The following AUTS2 variants were observed in gnomAD, a reference collection of about 807,000 sequenced individuals.
AUTS2 encodes the protein activator of transcription and developmental regulator AUTS2.
A neutral mutation model predicts 112.4 loss-of-function variants in AUTS2; 17 were observed. The ratio of observed to expected loss-of-function variants is 0.15; its 90% CI spans 0.10 to 0.23. The LOEUF (loss-of-function observed/expected upper bound fraction) is 0.23. Ranked by LOEUF, AUTS2 falls within the 10% of genes least tolerant of loss-of-function variation. AUTS2 has a pLI of 1.00. For synonymous variants in AUTS2, 751 were observed against 702.7 expected, an observed-to-expected ratio of 1.07 and a Z score of -1.09; for missense variants, 1,510 against 1,701.6, an observed-to-expected ratio of 0.89 and a Z score of 1.98.
chr7:70,772,377 A>G (rs1790409890), intron 11 of AUTS2, among the ~76,000 whole-genome samples: 1 of 152,244 alleles, frequency 6.6e-6, no homozygotes, highest in African/African-American at 2.4e-5. Flanking sequence ...CTAAAGGTCA[A>G]TATTGAAGAG....
At chr7:70,435,856 C>A in intron 5 of AUTS2, 75 bp downstream of exon 5, 1 of 1,499,722 alleles carries the variant, frequency 6.7e-7, no homozygotes, top group Non-Finnish European at 9.3e-7. Flanking sequence ...CACACAGCTG[C>A]AGGGTAGGAT....
At chr7:69,746,626 G>A (rs574561254) in intron 1 of AUTS2, among the ~76,000 whole-genome samples, 6 of 152,136 alleles carry the variant, frequency 3.9e-5, no homozygotes, top group South Asian at 2.1e-4. Flanking sequence ...TGCTCTTGCC[G>A]TGTTTGAGGA....
In AUTS2 at chr7:70,791,447, G is replaced by GCTTTA. The variant is rs1791955906; in HGVS notation, c.*456_*460dup. 6.4e-6 allele frequency: 1 copy of GCTTTA among 156,330 alleles called. No individual in the cohort carries two copies. Among genetic ancestry groups the GCTTTA allele is most frequent in the African/African-American group, 2.4e-5 (1 of 41,578 alleles). The allele number at this position is 156,330 out of a possible 1,614,324, so 9.7% of individuals were successfully genotyped here. ...ATATATGCAAAAGGGTAAGATGAAAGCTTTACTTTGTACAAATGTAAATAG... is the reference window on the plus strand; with the variant it reads ...ATATATGCAAAAGGGTAAGATGAAAGCTTTACTTTACTTTGTACAAATGTAAATAG... On this transcript the variant is annotated 3_prime_UTR_variant, in exon 19 of 19. Coordinates refer to ENST00000342771, the MANE Select transcript of AUTS2 (RefSeq NM_015570.4).
At chr7:70,259,168 C>T (rs559675695) in intron 4 of AUTS2, among the ~76,000 whole-genome samples, 108 of 152,218 alleles carry the variant, frequency 7.1e-4, no homozygotes, top group Admixed American at 1.6e-3. Flanking sequence ...GTCCACGATG[C>T]GAGCATGGTA....
intron 1 of AUTS2, among the ~76,000 whole-genome samples, chr7:69,797,585 C>G (rs992191511): frequency 2.6e-5 from 4 of 152,130 alleles, no homozygotes; most frequent in Non-Finnish European, 4.4e-5. Context: ...AAAGGAAGAG[C>G]CTGCGCTTGG....
chr7:70,025,104 A>G (rs1800454885), intron 2 of AUTS2, among the ~76,000 whole-genome samples: 1 of 152,216 alleles, frequency 6.6e-6, no homozygotes, highest in African/African-American at 2.4e-5. Context: ...ATTTCAGGTA[A>G]CAGGATAATG....
intron 5 of AUTS2, among the ~76,000 whole-genome samples, chr7:70,538,893 C>T (rs771769318): frequency 6.6e-6 from 1 of 152,106 alleles, no homozygotes; most frequent in Non-Finnish European, 1.5e-5. Context: ...CTATTGTGTG[C>T]CAGGTATAGT....
At chr7:70,717,939 C>T (rs545326792) in intron 6 of AUTS2, among the ~76,000 whole-genome samples, 65 of 152,342 alleles carry the variant, frequency 4.3e-4, no homozygotes, top group African/African-American at 1.5e-3. Flanking sequence ...AACATCCAGC[C>T]ATGTCATTTC....
chr7:69,809,876 C>T (rs770982878), intron 1 of AUTS2, among the ~76,000 whole-genome samples: 7 of 152,186 alleles, frequency 4.6e-5, no homozygotes, highest in African/African-American at 7.2e-5. Context: ...TAGAATAACA[C>T]GAAACCTCCT....
chr7:69,785,694 G>C (rs1346484158), intron 1 of AUTS2, among the ~76,000 whole-genome samples: 2 of 152,164 alleles, frequency 1.3e-5, no homozygotes, highest in Non-Finnish European at 2.9e-5. Flanking sequence ...TATATTTGCT[G>C]TCAGTTTCTA....
At chr7:69,821,603 A>G in intron 1 of AUTS2, among the ~76,000 whole-genome samples, 1 of 152,164 alleles carries the variant, frequency 6.6e-6, no homozygotes, top group Non-Finnish European at 1.5e-5. Context: ...ACCACCTTTA[A>G]GAGCTGCAAC....
chr7:70,767,900 T>C, intron 9 of AUTS2, 124 bp from the exon 10 acceptor site: 2 of 852,686 alleles, frequency 2.3e-6, no homozygotes, highest in Non-Finnish European at 3.8e-6. Context: ...TGGTTTCATA[T>C]GTAATGAGGT....
chr7:69,753,270 T>G (rs1478451545), intron 1 of AUTS2, among the ~76,000 whole-genome samples: 1 of 152,158 alleles, frequency 6.6e-6, no homozygotes, highest in African/African-American at 2.4e-5. Context: ...CTGTCATACA[T>G]TTGTCTGGTG....
At chr7:69,792,832 G>T (rs1176263772) in intron 1 of AUTS2, among the ~76,000 whole-genome samples, 1 of 152,082 alleles carries the variant, frequency 6.6e-6, no homozygotes, top group Non-Finnish European at 1.5e-5. Flanking sequence ...CGGTTCATTA[G>T]GTAGGGGTGG....
chr7:70,243,268 TG>T (rs1293889362), intron 4 of AUTS2, among the ~76,000 whole-genome samples: 11 of 150,870 alleles, frequency 7.3e-5, no homozygotes, highest in Middle Eastern at 3.2e-3. Context: ...TGTGTGTGTG[TG>T]TGTGTGTGTG....
chr7:69,930,638 T>A (rs1796192416), intron 2 of AUTS2, among the ~76,000 whole-genome samples: 1 of 152,210 alleles, frequency 6.6e-6, no homozygotes, highest in Non-Finnish European at 1.5e-5. Context: ...TGACCAGAAG[T>A]GGTTCTCCCA....
intron 1 of AUTS2, among the ~76,000 whole-genome samples, chr7:69,609,434 T>G (rs1792907789): frequency 6.6e-6 from 1 of 152,206 alleles, no homozygotes; most frequent in Non-Finnish European, 1.5e-5. Flanking sequence ...CATTCATCGT[T>G]TTTAAACACT....
chr7:69,869,555 C>T (rs1199170796), intron 1 of AUTS2, among the ~76,000 whole-genome samples: 2 of 151,886 alleles, frequency 1.3e-5, no homozygotes, highest in African/African-American at 4.8e-5. Context: ...CACACACACA[C>T]TCATGTACAG....
intron 5 of AUTS2, among the ~76,000 whole-genome samples, chr7:70,685,892 CAG>C (rs1444623621): frequency 1.3e-5 from 2 of 152,200 alleles, no homozygotes; most frequent in African/African-American, 4.8e-5. Flanking sequence ...CCAGCAATTG[CAG>C]AGACTCCCTT....
Sources: allele counts gnomAD v4.1 joint callset (sites outside exome capture counted in the v4.1 genomes callset), GRCh38; gene constraint gnomAD v4.1.1; transcripts MANE v1.5; gene names NCBI Gene and HGNC (gene_info 2026-07-23, HGNC 2026-07-21).